NALF1: variants seen among roughly 807,000 people sequenced by gnomAD.
NALF1 encodes the protein family with sequence similarity 155 member A.
In NALF1, 3 loss-of-function variants were observed where a neutral mutation model predicts 48.4. The ratio of observed to expected loss-of-function variants is 0.06; its 90% CI spans 0.03 to 0.16. The LOEUF (loss-of-function observed/expected upper bound fraction) is 0.16, where lower values mean the gene tolerates loss of function less well. NALF1 is among the 10% of genes least tolerant of loss of function. The pLI, the probability that NALF1 is intolerant of heterozygous loss-of-function variation, is 1.00. For missense variants in NALF1, 526 were observed against 571.5 expected (o/e 0.92, Z 0.81); for synonymous variants, 262 against 245.7 (o/e 1.07, Z -0.62).
chr13:107,535,714 T>C (rs1876784429), intron 1 of NALF1, among the ~76,000 whole-genome samples: 1 of 152,128 alleles, frequency 6.6e-6, no homozygotes, highest in Non-Finnish European at 1.5e-5. Flanking sequence ...TTCACAGAAT[T>C]GGAAAAAACT....
At chr13:107,403,039 A>G (rs1193676391) in intron 1 of NALF1, among the ~76,000 whole-genome samples, 1 of 151,906 alleles carries the variant, frequency 6.6e-6, no homozygotes, top group African/African-American at 2.4e-5. Context: ...CTTTCTCACC[A>G]TCAAGATGTG....
chr13:107,334,050 TAA>T (rs1171813479), intron 1 of NALF1, among the ~76,000 whole-genome samples: 1 of 152,064 alleles, frequency 6.6e-6, no homozygotes, highest in Non-Finnish European at 1.5e-5. Flanking sequence ...GAAGTAAAAA[TAA>T]AAGTCTCAGA....
chr13:107,787,012 T>C (rs1443470564), intron 1 of NALF1, among the ~76,000 whole-genome samples: 4 of 152,176 alleles, frequency 2.6e-5, no homozygotes, highest in African/African-American at 9.7e-5. Flanking sequence ...CCCTGAGTGG[T>C]AGATATACCT....
chr13:107,437,372 G>A (rs910016189), intron 1 of NALF1, among the ~76,000 whole-genome samples: 3 of 152,108 alleles, frequency 2.0e-5, no homozygotes, highest in Non-Finnish European at 4.4e-5. Context: ...CTTTGACTCA[G>A]TTTTTCCATA....
intron 1 of NALF1, among the ~76,000 whole-genome samples, chr13:107,829,005 C>T (rs1416595692): frequency 6.6e-6 from 1 of 152,126 alleles, no homozygotes; most frequent in Non-Finnish European, 1.5e-5. Context: ...AACCTGTATC[C>T]ATTGTCTATC....
intron 1 of NALF1, among the ~76,000 whole-genome samples, chr13:107,349,799 T>TA (rs1882839605): frequency 6.6e-6 from 1 of 151,294 alleles, no homozygotes; most frequent in African/African-American, 2.4e-5. Context: ...AAGATAGCCA[T>TA]AAGTAGACCC....
chr13:107,231,058 CAAAAAAAAAAA>C (rs3072074), intron 1 of NALF1, among the ~76,000 whole-genome samples: 2 of 83,574 alleles, frequency 2.4e-5, no homozygotes, highest in East Asian at 3.9e-4. Flanking sequence ...AAGACCCGGC[CAAAAAAAAAAA>C]AAAAAAAAAA....
intron 1 of NALF1, among the ~76,000 whole-genome samples, chr13:107,675,798 T>C (rs1881104314): frequency 1.3e-5 from 2 of 152,182 alleles, no homozygotes; most frequent in African/African-American, 4.8e-5. Flanking sequence ...AAGTCACTAT[T>C]ATAGAGCCAA....
intron 1 of NALF1, among the ~76,000 whole-genome samples, chr13:107,719,029 C>G (rs1300140543): frequency 1.3e-5 from 2 of 152,160 alleles, no homozygotes; most frequent in Non-Finnish European, 2.9e-5. Flanking sequence ...AGCATAGTTT[C>G]AACTGCTTGT....
chr13:107,175,072 G>A (rs575547110), intron 2 of NALF1, among the ~76,000 whole-genome samples: 5 of 112,874 alleles, frequency 4.4e-5, no homozygotes, highest in African/African-American at 1.9e-4. Context: ...TGTATTTTTA[G>A]TAGAGACGGG....
chr13:107,570,720 T>C (rs902175168), intron 1 of NALF1, among the ~76,000 whole-genome samples: 4 of 151,960 alleles, frequency 2.6e-5, no homozygotes, highest in African/African-American at 7.2e-5. Flanking sequence ...CATAAGACTT[T>C]AAAAAATTAT....
At chr13:107,552,824 A>G (rs1286519457) in intron 1 of NALF1, among the ~76,000 whole-genome samples, 1 of 152,124 alleles carries the variant, frequency 6.6e-6, no homozygotes, top group Non-Finnish European at 1.5e-5. Flanking sequence ...ATTACATCAC[A>G]TTTTTAGGAA....
At chr13:107,731,755 A>G (rs536648279) in intron 1 of NALF1, among the ~76,000 whole-genome samples, 1 of 152,312 alleles carries the variant, frequency 6.6e-6, no homozygotes, top group South Asian at 2.1e-4. Context: ...ATGACTGCGT[A>G]GTATTCCATG....
intron 1 of NALF1, among the ~76,000 whole-genome samples, chr13:107,790,374 C>T (rs1261727438): frequency 6.6e-6 from 1 of 152,088 alleles, no homozygotes; most frequent in East Asian, 1.9e-4. Context: ...AGGGTGGATA[C>T]TAAAATATTA....
rs1354310167 is a variant in NALF1 at position 107,777,182 on chromosome 13, G to A, written c.915+88500C>T. ...AAACTTCACATAAAGTATCTTGCAC[G>A]GCTGTCACAGCATCCTCATGAGGAA... On this transcript the variant is annotated intron_variant, in intron 1 of 2. Coordinates refer to ENST00000375915, the MANE Select transcript of NALF1 (RefSeq NM_001080396.3). Among the ~76,000 whole-genome samples the A allele has an allele frequency of 4.6e-5, 7 of 152,054 alleles. No individual in the cohort carries two copies. The East Asian group carries it at 5.8e-4, about 13-fold the overall frequency.
At chr13:107,293,687 C>A (rs549238392) in intron 1 of NALF1, among the ~76,000 whole-genome samples, 18 of 152,230 alleles carry the variant, frequency 1.2e-4, no homozygotes, top group South Asian at 4.1e-4. Flanking sequence ...TCTCTTACAT[C>A]CTTGTGAAAA....
chr13:107,741,762 A>C (rs1185709615), intron 1 of NALF1, among the ~76,000 whole-genome samples: 1 of 152,170 alleles, frequency 6.6e-6, no homozygotes, highest in Non-Finnish European at 1.5e-5. Flanking sequence ...TGGCTGAGAT[A>C]ATTTGGCTCA....
At chr13:107,310,799 T>C (rs1388645353) in intron 1 of NALF1, among the ~76,000 whole-genome samples, 1 of 152,130 alleles carries the variant, frequency 6.6e-6, no homozygotes, top group Non-Finnish European at 1.5e-5. Context: ...TGTCTTAGTC[T>C]GCAAAGTAGC....
At chr13:107,659,105 T>TGACACACA (rs1420637683) in intron 1 of NALF1, among the ~76,000 whole-genome samples, 4 of 92,488 alleles carry the variant, frequency 4.3e-5, no homozygotes, top group African/African-American at 9.9e-5. Flanking sequence ...ACTGACACAC[T>TGACACACA]GACACACAGA....
Sources: gnomAD v4.1 joint callset for allele counts (sites outside exome capture counted in the v4.1 genomes callset) on GRCh38, gnomAD v4.1.1 for gene constraint, MANE v1.5 for transcripts, NCBI Gene and HGNC (gene_info 2026-07-23, HGNC 2026-07-21) for gene names.